SHISA9: variants seen among roughly 807,000 people sequenced by gnomAD.
SHISA9 encodes shisa family member 9, also known as protein shisa-9.
In SHISA9, 13 loss-of-function variants were observed where a neutral mutation model predicts 38.0. That is an observed-to-expected ratio of 0.34 (90% CI 0.22 to 0.54). The LOEUF is 0.54. Among genes scored for constraint, SHISA9 ranks in the 20% least tolerant of loss-of-function variants. SHISA9 has a pLI of 0.91. For missense variants in SHISA9, 538 were observed against 575.8 expected (o/e 0.93, Z 0.67); for synonymous variants, 275 against 242.0 (o/e 1.14, Z -1.27).
At chr16:13,077,455 A>G (rs540943904) in intron 2 of SHISA9, among the ~76,000 whole-genome samples, 2 of 152,268 alleles carry the variant, frequency 1.3e-5, no homozygotes, top group Admixed American at 1.3e-4. Context: ...TGCTCCTTGT[A>G]CCAGGTGATG....
chr16:13,367,102 G>A, the SHISA9 span, among the ~76,000 whole-genome samples: 4 of 151,514 alleles, frequency 2.6e-5, no homozygotes, highest in Non-Finnish European at 5.9e-5. Flanking sequence ...TGTCAAACCA[G>A]TACAAGGAGT....
At chr16:13,265,820 GA>G in the SHISA9 span, among the ~76,000 whole-genome samples, 85,965 of 150,508 alleles carry the variant, frequency 0.57, 24,982 homozygotes, top group African/African-American at 0.68. Context: ...AAGATAACTG[GA>G]AAAAAAAAAC....
the SHISA9 span, among the ~76,000 whole-genome samples, chr16:13,278,550 G>C: frequency 6.6e-6 from 1 of 151,810 alleles, no homozygotes; most frequent in Non-Finnish European, 1.5e-5. Flanking sequence ...TGGTCCCGGA[G>C]TTTTTTTGTT....
At chr16:13,310,684 C>CTTTTT in the SHISA9 span, among the ~76,000 whole-genome samples, 1 of 125,606 alleles carries the variant, frequency 8.0e-6, no homozygotes, top group Non-Finnish European at 1.7e-5. Context: ...GATTTTTATG[C>CTTTTT]TTTTTTTTTT....
At chr16:13,528,804 A>C in the SHISA9 span, among the ~76,000 whole-genome samples, 1 of 152,218 alleles carries the variant, frequency 6.6e-6, no homozygotes, top group Non-Finnish European at 1.5e-5. Context: ...AGTGTCTAGC[A>C]CTTAGCATAT....
chr16:13,434,496 C>A, the SHISA9 span, among the ~76,000 whole-genome samples: 3 of 147,962 alleles, frequency 2.0e-5, no homozygotes. Flanking sequence ...CGGCTCACTG[C>A]AAGCTCCGCC....
chr16:13,460,951 C>T, the SHISA9 span, among the ~76,000 whole-genome samples: 4 of 152,188 alleles, frequency 2.6e-5, no homozygotes, highest in East Asian at 3.8e-4. Flanking sequence ...TGTCCTTCAT[C>T]GCTCCTTGTT....
chr16:13,069,088 GTGTA>G (rs942880012), intron 2 of SHISA9, among the ~76,000 whole-genome samples: 1 of 151,874 alleles, frequency 6.6e-6, no homozygotes, highest in African/African-American at 2.4e-5. Context: ...TACATGCAAT[GTGTA>G]TGTGTGTGTA....
chr16:13,199,936 C>T (rs2050988223), intron 2 of SHISA9, among the ~76,000 whole-genome samples: 1 of 152,148 alleles, frequency 6.6e-6, no homozygotes, highest in Non-Finnish European at 1.5e-5. Flanking sequence ...TATCTCTGGC[C>T]ACTGGAGCTA....
At chr16:13,032,027 T>G (rs1242256089) in intron 2 of SHISA9, among the ~76,000 whole-genome samples, 3 of 152,074 alleles carry the variant, frequency 2.0e-5, no homozygotes, top group Non-Finnish European at 4.4e-5. Flanking sequence ...CAAATTTTAC[T>G]TTAAGTTCTG....
intron 4 of SHISA9, among the ~76,000 whole-genome samples, chr16:13,224,780 A>C (rs1013195213): frequency 6.6e-6 from 1 of 152,178 alleles, no homozygotes; most frequent in Non-Finnish European, 1.5e-5. Context: ...TTTGGGTATT[A>C]GGAGGGTTTT....
the SHISA9 span, among the ~76,000 whole-genome samples, chr16:13,298,915 G>T: frequency 6.6e-6 from 1 of 152,176 alleles, no homozygotes; most frequent in Non-Finnish European, 1.5e-5. Flanking sequence ...CACACAACTG[G>T]GTTCTGCTCA....
At chr16:13,349,149 T>C in the SHISA9 span, among the ~76,000 whole-genome samples, 11 of 152,324 alleles carry the variant, frequency 7.2e-5, no homozygotes, top group East Asian at 1.5e-3. Flanking sequence ...CTAGGATCTT[T>C]ATATAGCAAA....
the SHISA9 span, among the ~76,000 whole-genome samples, chr16:13,445,113 C>T: frequency 2.6e-4 from 40 of 150,952 alleles, no homozygotes; most frequent in South Asian, 4.3e-4. Context: ...CCACCCACCT[C>T]GGCCTCCCAA....
intron 2 of SHISA9, among the ~76,000 whole-genome samples, chr16:13,060,196 A>G (rs535989595): frequency 1.3e-5 from 2 of 152,262 alleles, no homozygotes; most frequent in South Asian, 4.1e-4. Flanking sequence ...GATGTGCCAC[A>G]TTATTGAAGC....
chr16:13,232,392 G>C (rs572086564), intron 4 of SHISA9, among the ~76,000 whole-genome samples: 17 of 152,244 alleles, frequency 1.1e-4, no homozygotes, highest in Admixed American at 5.2e-4. Context: ...GTATACCTAT[G>C]TAACCTGCAC....
At chr16:13,004,111 G>T (rs760029110) in intron 2 of SHISA9, among the ~76,000 whole-genome samples, 8 of 152,186 alleles carry the variant, frequency 5.3e-5, no homozygotes, top group Non-Finnish European at 8.8e-5. Context: ...CTTTCCACCT[G>T]TTGAGGAGGT....
At chr16:13,364,434 C>G in the SHISA9 span, among the ~76,000 whole-genome samples, 1 of 152,228 alleles carries the variant, frequency 6.6e-6, no homozygotes, top group African/African-American at 2.4e-5. Flanking sequence ...AGCATTCACT[C>G]AACTTGCAGG....
the SHISA9 span, among the ~76,000 whole-genome samples, chr16:13,311,490 A>G: frequency 6.6e-6 from 1 of 152,096 alleles, no homozygotes; most frequent in Admixed American, 6.5e-5. Context: ...TCTTCCTTTT[A>G]ACTCCTGGGA....
Sources: gnomAD v4.1 joint callset for allele counts (sites outside exome capture counted in the v4.1 genomes callset) on GRCh38, gnomAD v4.1.1 for gene constraint, MANE v1.5 for transcripts, NCBI Gene and HGNC (gene_info 2026-07-23, HGNC 2026-07-21) for gene names.